RRAS2: variants seen among roughly 807,000 people sequenced by gnomAD.
RRAS2 encodes ras-related protein R-Ras2.
Under a neutral mutation model 27.6 loss-of-function variants are expected in RRAS2, and 7 were observed. The observed-to-expected ratio is 0.25, with a 90% CI of 0.14 to 0.48. The LOEUF is 0.48. RRAS2 is among the 20% of genes least tolerant of loss of function. RRAS2 has a pLI of 0.99. For synonymous variants in RRAS2, 86 were observed against 90.9 expected (o/e 0.95, Z 0.31); for missense variants, 178 against 256.2 (o/e 0.69, Z 2.08).
chr11:14,295,543 T>C (rs1847521901), intron 2 of RRAS2, among the ~76,000 whole-genome samples: 1 of 152,174 alleles, frequency 6.6e-6, no homozygotes, highest in Non-Finnish European at 1.5e-5. Flanking sequence ...TGAGACCAGT[T>C]TCACTAGAAC....
intron 1 of RRAS2, among the ~76,000 whole-genome samples, chr11:14,309,332 C>T (rs1847905822): frequency 1.3e-5 from 2 of 152,218 alleles, no homozygotes; most frequent in Admixed American, 6.5e-5. Flanking sequence ...CCTAGGCTCA[C>T]TCACCACCCC....
intron 1 of RRAS2, among the ~76,000 whole-genome samples, chr11:14,313,833 A>T (rs1848033547): frequency 6.6e-6 from 1 of 152,192 alleles, no homozygotes; most frequent in South Asian, 2.1e-4. Flanking sequence ...TGAAAAAATA[A>T]ATTTCCCTTG....
intron 1 of RRAS2, among the ~76,000 whole-genome samples, chr11:14,304,126 T>C (rs1847777276): frequency 6.6e-6 from 1 of 152,234 alleles, no homozygotes; most frequent in South Asian, 2.1e-4. Flanking sequence ...TGTGCTCTGC[T>C]GCCTCAGGGC....
At chr11:14,338,149 G>T (rs1848624790) in intron 1 of RRAS2, among the ~76,000 whole-genome samples, 2 of 152,170 alleles carry the variant, frequency 1.3e-5, no homozygotes, top group East Asian at 1.9e-4. Context: ...CAAAATGACA[G>T]TATCAGTAGG....
chr11:14,287,545 C>A (rs1349071962), intron 4 of RRAS2, among the ~76,000 whole-genome samples: 1 of 151,970 alleles, frequency 6.6e-6, no homozygotes, highest in Non-Finnish European at 1.5e-5. Context: ...TTCACATAAA[C>A]AGGAATAGCA....
At chr11:14,281,753 T>G (rs1849543004) in intron 4 of RRAS2, 33 bp from the exon 5 acceptor site, 1 of 1,513,654 alleles carries the variant, frequency 6.6e-7, no homozygotes, top group Admixed American at 1.9e-5. Context: ...TATGGTACAT[T>G]ATTAACAACT....
At chr11:14,355,629 A>G (rs891574234) in intron 1 of RRAS2, among the ~76,000 whole-genome samples, 1 of 152,194 alleles carries the variant, frequency 6.6e-6, no homozygotes, top group Non-Finnish European at 1.5e-5. Flanking sequence ...TAAGTCAAAG[A>G]AAGTTAGGGT....
chr11:14,349,842 G>T (rs185557151), intron 1 of RRAS2, among the ~76,000 whole-genome samples: 2 of 152,004 alleles, frequency 1.3e-5, no homozygotes, highest in Non-Finnish European at 2.9e-5. Flanking sequence ...TTTGAAATAC[G>T]GTTCAGTTCA....
At chr11:14,323,239 G>T (rs375962192) in intron 1 of RRAS2, among the ~76,000 whole-genome samples, 1 of 152,104 alleles carries the variant, frequency 6.6e-6, no homozygotes, top group Non-Finnish European at 1.5e-5. Flanking sequence ...TTAAGCCCAG[G>T]AGTTTGAGAT....
At chr11:14,319,780 A>C (rs1848187060) in intron 1 of RRAS2, among the ~76,000 whole-genome samples, 2 of 152,232 alleles carry the variant, frequency 1.3e-5, no homozygotes, top group African/African-American at 2.4e-5. Context: ...ATAAAAGGTG[A>C]TAAACCTACC....
chr11:14,320,808 T>C (rs1394802626), intron 1 of RRAS2, among the ~76,000 whole-genome samples: 1 of 152,192 alleles, frequency 6.6e-6, no homozygotes, highest in African/African-American at 2.4e-5. Context: ...TAAAGTCATA[T>C]AAAGTAGTAT....
At chr11:14,328,612 T>G (rs1338239862) in intron 1 of RRAS2, among the ~76,000 whole-genome samples, 4 of 151,568 alleles carry the variant, frequency 2.6e-5, no homozygotes, top group Non-Finnish European at 4.4e-5. Context: ...GTAAAAAATA[T>G]ATACATGACA....
chr11:14,319,219 C>T (rs1848173758), intron 1 of RRAS2, among the ~76,000 whole-genome samples: 1 of 152,214 alleles, frequency 6.6e-6, no homozygotes, highest in South Asian at 2.1e-4. Flanking sequence ...ATCCATCTCC[C>T]CATACACCTC....
intron 1 of RRAS2, among the ~76,000 whole-genome samples, chr11:14,300,951 T>C (rs971987609): frequency 2.0e-5 from 3 of 152,172 alleles, no homozygotes; most frequent in African/African-American, 2.4e-5. Flanking sequence ...CTGGAAATTC[T>C]AGGAAACTCA....
chr11:14,323,215 G>C (rs1460747115), intron 1 of RRAS2, among the ~76,000 whole-genome samples: 2 of 152,204 alleles, frequency 1.3e-5, no homozygotes, highest in African/African-American at 4.8e-5. Flanking sequence ...GGGAGGCTGA[G>C]ATGAGAGGAT....
chr11:14,359,760 T>G (rs1554956019), upstream of RRAS2, among the ~76,000 whole-genome samples: 1 of 152,156 alleles, frequency 6.6e-6, no homozygotes, highest in African/African-American at 2.4e-5. Context: ...AAATGTGCAG[T>G]AATTGGATAT....
chr11:14,325,607 A>T (rs1166659374), intron 1 of RRAS2, among the ~76,000 whole-genome samples: 1 of 152,146 alleles, frequency 6.6e-6, no homozygotes, highest in African/African-American at 2.4e-5. Context: ...CTTCCTTTCA[A>T]TATTTTTATT....
At chr11:14,311,142 G>A (rs1004548611) in intron 1 of RRAS2, among the ~76,000 whole-genome samples, 5 of 152,134 alleles carry the variant, frequency 3.3e-5, no homozygotes, top group Admixed American at 6.5e-5. Flanking sequence ...GAAGCTAGGA[G>A]TTTGAGACCA....
upstream of RRAS2, among the ~76,000 whole-genome samples, chr11:14,361,506 G>A (rs1166840923): frequency 6.6e-6 from 1 of 152,162 alleles, no homozygotes; most frequent in Non-Finnish European, 1.5e-5. Context: ...CTCCAGCCTG[G>A]GCAACAGAGC....
Sources: allele counts gnomAD v4.1 joint callset (sites outside exome capture counted in the v4.1 genomes callset), GRCh38; gene constraint gnomAD v4.1.1; transcripts MANE v1.5; gene names NCBI Gene and HGNC (gene_info 2026-07-23, HGNC 2026-07-21).